Variants in MYH14 observed in about 807,000 individuals in gnomAD.
MYH14 encodes myosin heavy chain 14, also known as myosin-14.
In MYH14, 123 loss-of-function variants were observed where a neutral mutation model predicts 255.5. The ratio of observed to expected loss-of-function variants is 0.48; its 90% CI spans 0.42 to 0.56. The LOEUF (loss-of-function observed/expected upper bound fraction) is 0.56. MYH14 is among the 20% of genes least tolerant of loss of function. MYH14 has a pLI of 0.00. For missense variants in MYH14, 2,423 were observed against 2,802.3 expected, an observed-to-expected ratio of 0.86 and a Z score of 3.06; for synonymous variants, 1,095 against 1,161.2, an observed-to-expected ratio of 0.94 and a Z score of 1.16.
chr19:50,223,933 C>A (rs954030191), intron 5 of MYH14, among the ~76,000 whole-genome samples: 2 of 152,116 alleles, frequency 1.3e-5, no homozygotes, highest in Non-Finnish European at 2.9e-5. Flanking sequence ...TATAGTGGGA[C>A]CCCATCGCTA....
chr19:50,289,578 C>T lies in MYH14; in HGVS notation c.4895C>T (p.Thr1632Ile), dbSNP rs748119055. Residue 1632 changes from threonine (T) to isoleucine (I), a missense_variant, in exon 35 of 43, where the codon ACT becomes ATT. Transcript: ENST00000642316. The stretch of plus-strand genomic sequence containing the variant: ...GAGGTGACTGTGCAGGCTCTCAAGA[C>T]TCAGCATGAGCGTGACCTGCAGGGC... ...RLEVTVQALK[T>I]QHERDLQGRD... 5.0e-6 allele frequency: 8 copies of T among 1,612,970 alleles called. No individual in the cohort carries two copies. Among genetic ancestry groups the T allele is most frequent in the Non-Finnish European group, 6.8e-6 (8 of 1,179,648 alleles).
chr19:50,265,555 G>A (rs1052407551), intron 22 of MYH14, among the ~76,000 whole-genome samples: 9 of 151,794 alleles, frequency 5.9e-5, no homozygotes, highest in Admixed American at 1.3e-4. Flanking sequence ...GCACGGAGGC[G>A]TATGCCTGTA....
At chr19:50,245,447 GAAA>G (rs1600927541) in intron 11 of MYH14, among the ~76,000 whole-genome samples, 3 of 127,670 alleles carry the variant, frequency 2.3e-5, no homozygotes, top group East Asian at 2.7e-4. Context: ...AAGAAAGAAA[GAAA>G]AAGAAGAAGA....
At chr19:50,217,583 T>A in intron 2 of MYH14, 32 bp from the exon 3 acceptor site, 1 of 1,613,906 alleles carries the variant, frequency 6.2e-7, no homozygotes, top group East Asian at 2.2e-5. Context: ...TGGGCAGCCA[T>A]CTGAGACCCT....
In MYH14 at chr19:50,210,787, T is replaced by TG. The variant is rs780068018; in HGVS notation, c.405+23dup. 1.3e-4 allele frequency: 207 copies of TG among 1,550,822 alleles called. 7 individuals carry two copies. The South Asian group carries it at 2.4e-3, about 18-fold the overall frequency. Reference sequence around the variant, plus strand: ...CTCATCTACGTGAGTGGGCTCCTGCTGGGGGGCGCGTGCGGCGGAGTTGCT... The same window carrying TG: ...CTCATCTACGTGAGTGGGCTCCTGCTGGGGGGGCGCGTGCGGCGGAGTTGCT... On this transcript the variant is annotated intron_variant, in intron 2 of 42. Transcript: ENST00000642316.
intron 2 of MYH14, among the ~76,000 whole-genome samples, chr19:50,217,261 T>C (rs2032531559): frequency 6.6e-6 from 1 of 152,220 alleles, no homozygotes; most frequent in Admixed American, 6.5e-5. Context: ...AGGTCGTTTC[T>C]AGTCTTTTGC....
intron 9 of MYH14, among the ~76,000 whole-genome samples, chr19:50,231,579 G>A (rs1227089012): frequency 4.6e-5 from 7 of 152,088 alleles, no homozygotes; most frequent in Non-Finnish European, 8.8e-5. Context: ...TGGGCATGGT[G>A]GCACACAGCT....
chr19:50,239,829 G>A lies in MYH14; in HGVS notation c.1115-4413G>A, dbSNP rs540838717. Among the ~76,000 whole-genome samples the A allele has an allele frequency of 7.2e-5, 11 of 152,166 alleles. No individual in the cohort carries two copies. The East Asian group carries it at 7.8e-4, about 11-fold the overall frequency. On this transcript the variant is annotated intron_variant, in intron 10 of 42. Coordinates refer to ENST00000642316, the MANE Select transcript of MYH14 (RefSeq NM_001145809.2). ...CTCCCAAAGTGCTGGGATTACAGGCGTGAGCCACCGCGCCCGGCCACACAC... is the reference window on the plus strand; with the variant it reads ...CTCCCAAAGTGCTGGGATTACAGGCATGAGCCACCGCGCCCGGCCACACAC...
chr19:50,253,304 G>A (rs1314128170), intron 16 of MYH14, among the ~76,000 whole-genome samples: 2 of 152,022 alleles, frequency 1.3e-5, no homozygotes, highest in South Asian at 2.1e-4. Context: ...TTAGCCAGAT[G>A]TCCTGGTGCA....
intron 10 of MYH14, among the ~76,000 whole-genome samples, chr19:50,243,614 C>T (rs896453055): frequency 6.6e-5 from 10 of 152,174 alleles, no homozygotes; most frequent in African/African-American, 2.4e-4. Flanking sequence ...GGCAACAGAG[C>T]AAGACCCCAT....
At chr19:50,207,271 C>CAGAGAGAGAGAGAGGGAG (rs2031837329) in intron 1 of MYH14, among the ~76,000 whole-genome samples, 1 of 76,804 alleles carries the variant, frequency 1.3e-5, no homozygotes, top group Non-Finnish European at 2.5e-5. Context: ...GAGAGAGAGA[C>CAGAGAGAGAGAGAGGGAG]AGAGAGAGAG....
In MYH14 at chr19:50,309,826, C is replaced by T. The variant is rs1036378772; in HGVS notation, c.*36C>T. ...TCCCCAGATGCACTAACAGATGGGGCCCAGCCCCCTTCCTCCCTGGACCCC... is the reference window on the plus strand; with the variant it reads ...TCCCCAGATGCACTAACAGATGGGGTCCAGCCCCCTTCCTCCCTGGACCCC... On this transcript the variant is annotated 3_prime_UTR_variant, in exon 43 of 43. Transcript: ENST00000642316. 1.3e-5 allele frequency: 18 copies of T among 1,412,202 alleles called. 1 individual carries two copies. The highest frequency in any genetic ancestry group is 3.0e-5 in the African/African-American group (2 of 66,986). The allele number at this position is 1,412,202 out of a possible 1,614,324, so 87.5% of individuals were successfully genotyped here. A position where few individuals can be genotyped will look rare whatever the true frequency, so the allele number is the denominator to read the frequency against.
chr19:50,302,833 C>T (rs537011923), intron 40 of MYH14, among the ~76,000 whole-genome samples: 19 of 151,740 alleles, frequency 1.3e-4, no homozygotes, highest in African/African-American at 4.1e-4. Context: ...ACCCAGGAGG[C>T]GGAGGTTGTG....
Position 50,307,157 on chromosome 19 carries a change from G to A in MYH14, c.5787G>A (p.Gln1929=). Residue 1929 remains glutamine (Q), a splice_region_variant and synonymous_variant, in exon 41 of 43, where the codon CAG becomes CAA. Coordinates refer to ENST00000642316, the MANE Select transcript of MYH14 (RefSeq NM_001145809.2). ...ERRVADQLRD[Q]LEKGNLRVKQ... The stretch of plus-strand genomic sequence containing the variant: ...GGGTGGCTGACCAGCTCCGGGACCA[G>A]GTAAGCAGCTGGCATCATTAGGGAG... The A allele has an allele frequency of 6.5e-7, 1 of 1,538,976 alleles. No individual in the cohort carries two copies. The highest frequency in any genetic ancestry group is 8.8e-7 in the Non-Finnish European group (1 of 1,137,530).
chr19:50,284,896 CCTT>C (rs1344133520), intron 33 of MYH14: 1 of 149,476 alleles, frequency 6.7e-6, no homozygotes, highest in Non-Finnish European at 1.5e-5. Flanking sequence ...TTCTTCTCCT[CCTT>C]CTTTTTCTTC....
At chr19:50,258,838 G>A (rs944314865) in intron 18 of MYH14, 12 of 297,708 alleles carry the variant, frequency 4.0e-5, no homozygotes, top group African/African-American at 6.5e-5. Flanking sequence ...ACTCTCTTGC[G>A]TGCAAATTCA....
At chr19:50,285,234 C>T (rs1371873288) in intron 33 of MYH14, 1 of 152,134 alleles carries the variant, frequency 6.6e-6, no homozygotes, top group Non-Finnish European at 1.5e-5. Context: ...CTTCTAGTTC[C>T]TTTGCATTTC....
At chr19:50,219,199 G>T (rs2032675159) in intron 3 of MYH14, among the ~76,000 whole-genome samples, 1 of 150,058 alleles carries the variant, frequency 6.7e-6, no homozygotes, top group South Asian at 2.1e-4. Context: ...TGGGCATTTA[G>T]TCTGGTTCCA....
rs987165346 is a variant in MYH14 at position 50,255,265 on chromosome 19, C to T, written c.1991C>T (p.Pro664Leu). 1.2e-5 allele frequency: 18 copies of T among 1,551,378 alleles called. No homozygotes were observed. The highest frequency in any genetic ancestry group is 4.1e-5 in the African/African-American group (3 of 73,012). ...TTCTCTTTCCTTGGCTCCTTCCCAC[C>T]GTCGCCCCCAGGATCTGCAGAGAGG... Reference protein sequence around the residue: ...QQFSFLGSFPPSPPGSAERCS... With the variant: ...QQFSFLGSFPLSPPGSAERCS... The change falls in exon 17 of 43, where the codon CCG (proline) becomes CTG (leucine). Residue 664 changes from proline to leucine, a missense_variant. This residue lies in a region of MYH14 where 672 missense variants were observed against 881.8 expected (regional missense o/e 0.76). Transcript: ENST00000642316.
Sources: allele counts gnomAD v4.1 joint callset (sites outside exome capture counted in the v4.1 genomes callset), GRCh38; gene constraint gnomAD v4.1.1; regional missense constraint gnomAD v4.1.1; transcripts MANE v1.5; gene names NCBI Gene and HGNC (gene_info 2026-07-23, HGNC 2026-07-21).